The following ATP8A2 variants were observed in gnomAD, a reference collection of about 807,000 sequenced individuals.
The protein encoded by ATP8A2 is phospholipid-transporting ATPase IB.
A neutral mutation model predicts 165.6 loss-of-function variants in ATP8A2; 100 were observed. That is an observed-to-expected ratio of 0.60 (90% CI 0.51 to 0.71). The LOEUF is 0.71. Among genes scored for constraint, ATP8A2 ranks in the 30% least tolerant of loss-of-function variants. The pLI is 0.00. For missense variants in ATP8A2, 1,227 were observed against 1,479.5 expected (o/e 0.83, Z 2.80); for synonymous variants, 543 against 548.8 (o/e 0.99, Z 0.15).
intron 2 of ATP8A2, among the ~76,000 whole-genome samples, chr13:25,525,270 C>T (rs1282776998): frequency 6.6e-6 from 1 of 151,986 alleles, no homozygotes; most frequent in Admixed American, 6.6e-5. Flanking sequence ...TAGCAGGTTT[C>T]TGTATGTGTT....
In ATP8A2 at chr13:25,581,915, T is replaced by A; in HGVS notation, c.2104T>A (p.Trp702Arg). The A allele has an allele frequency of 6.2e-7, 1 of 1,613,856 alleles. No individual in the cohort carries two copies. Among genetic ancestry groups the A allele is most frequent in the Non-Finnish European group, 8.5e-7 (1 of 1,179,762 alleles). The change falls in exon 23 of 37, where the codon TGG (tryptophan) becomes AGG (arginine). Residue 702 changes from tryptophan to arginine, a missense_variant. Trp to Arg is a moderately radical substitution (Grantham distance 101). Transcript: ENST00000381655. ...ACTGTTGAAGGCAGAAATTAAAATA[T>A]GGGTGTTGACAGGAGACAAACAAGA... ...ATLLKAEIKI[W>R]VLTGDKQETA... is the part of the protein sequence containing the mutation.
intron 1 of ATP8A2, among the ~76,000 whole-genome samples, chr13:25,463,578 A>C (rs929172096): frequency 6.6e-6 from 1 of 152,142 alleles, no homozygotes; most frequent in Non-Finnish European, 1.5e-5. Context: ...TCCCCTGACA[A>C]TGTAAGGTCC....
intron 25 of ATP8A2, among the ~76,000 whole-genome samples, chr13:25,725,758 G>A (rs1335123492): frequency 3.3e-5 from 5 of 152,194 alleles, no homozygotes; most frequent in African/African-American, 7.2e-5. Flanking sequence ...AGAAATCAGA[G>A]TGATTTCTTT....
At chr13:25,993,279 C>T (rs190611090) in intron 35 of ATP8A2, among the ~76,000 whole-genome samples, 12 of 152,190 alleles carry the variant, frequency 7.9e-5, no homozygotes, top group African/African-American at 2.9e-4. Context: ...TATGACAAAC[C>T]CACAGCCAAT....
chr13:25,558,825 T>G (rs1038157500), intron 13 of ATP8A2, 148 bp from the exon 14 acceptor site: 26 of 549,032 alleles, frequency 4.7e-5, no homozygotes, highest in Non-Finnish European at 9.6e-6. Flanking sequence ...ATTAAAATAT[T>G]AATATATTTT....
At chr13:25,526,195 G>A (rs1469381032) in intron 2 of ATP8A2, among the ~76,000 whole-genome samples, 1 of 151,824 alleles carries the variant, frequency 6.6e-6, no homozygotes, top group Admixed American at 6.6e-5. Context: ...ACATTTTTGA[G>A]TTGCTTTTCT....
chr13:25,411,212 G>A (rs1350697978), intron 1 of ATP8A2, among the ~76,000 whole-genome samples: 1 of 152,166 alleles, frequency 6.6e-6, no homozygotes, highest in African/African-American at 2.4e-5. Flanking sequence ...TTTAAGGAGG[G>A]TGATCTCTTT....
intron 2 of ATP8A2, among the ~76,000 whole-genome samples, chr13:25,478,801 CTGTCTA>C (rs1252554952): frequency 5.9e-5 from 9 of 152,054 alleles, no homozygotes; most frequent in African/African-American, 2.2e-4. Context: ...TGTAAGTTCT[CTGTCTA>C]TATCAGTGGT....
intron 33 of ATP8A2, among the ~76,000 whole-genome samples, chr13:25,918,638 G>C (rs1954339134): frequency 6.6e-6 from 1 of 152,096 alleles, no homozygotes; most frequent in Admixed American, 6.5e-5. Context: ...GTTTGTGAAA[G>C]CCTCCCCCCC....
chr13:25,971,287 G>A (rs1206710623), intron 35 of ATP8A2, among the ~76,000 whole-genome samples: 1 of 150,674 alleles, frequency 6.6e-6, no homozygotes, highest in African/African-American at 2.5e-5. Context: ...ATGCTGTCCT[G>A]CTTGGCCTCC....
chr13:25,846,485 A>G (rs560644139), intron 30 of ATP8A2, among the ~76,000 whole-genome samples: 21 of 152,284 alleles, frequency 1.4e-4, no homozygotes, highest in East Asian at 9.7e-4. Context: ...AGGTTGCAGG[A>G]ATAGAATAGT....
chr13:25,813,609 CTGAA>C (rs1950936014), intron 27 of ATP8A2, among the ~76,000 whole-genome samples: 1 of 136,530 alleles, frequency 7.3e-6, no homozygotes, highest in Non-Finnish European at 1.6e-5. Context: ...AGAAAGGACA[CTGAA>C]TGGAATCTTG....
intron 27 of ATP8A2, among the ~76,000 whole-genome samples, chr13:25,817,137 G>C (rs1219608658): frequency 2.0e-5 from 3 of 152,034 alleles, no homozygotes; most frequent in African/African-American, 7.3e-5. Context: ...CAGATGAAAG[G>C]CTCATTATTT....
chr13:25,924,792 G>A (rs1954552966), intron 33 of ATP8A2, among the ~76,000 whole-genome samples: 1 of 152,118 alleles, frequency 6.6e-6, no homozygotes, highest in South Asian at 2.1e-4. Context: ...TGAATCATGG[G>A]GGTAGGTTTT....
chr13:25,544,762 C>T (rs1470208067), intron 10 of ATP8A2, among the ~76,000 whole-genome samples: 2 of 151,882 alleles, frequency 1.3e-5, no homozygotes, highest in Non-Finnish European at 2.9e-5. Flanking sequence ...TTTGAAGATG[C>T]GATAATGATG....
At chr13:25,714,555 C>T (rs944241194) in intron 25 of ATP8A2, among the ~76,000 whole-genome samples, 3 of 152,180 alleles carry the variant, frequency 2.0e-5, no homozygotes, top group African/African-American at 7.2e-5. Flanking sequence ...ATTGTGTCTC[C>T]TTAGCCTTCT....
At chr13:25,654,951 A>G (rs2041894899) in intron 24 of ATP8A2, among the ~76,000 whole-genome samples, 1 of 152,162 alleles carries the variant, frequency 6.6e-6, no homozygotes, top group Admixed American at 6.5e-5. Context: ...ATCCAGGGTT[A>G]TGTTAACTGC....
intron 25 of ATP8A2, among the ~76,000 whole-genome samples, chr13:25,751,500 A>G (rs1176366375): frequency 1.3e-5 from 2 of 152,018 alleles, no homozygotes; most frequent in Non-Finnish European, 2.9e-5. Context: ...ACCCGAGCAC[A>G]GTCATGGCTC....
chr13:25,865,299 G>T (rs1952476699), intron 33 of ATP8A2, among the ~76,000 whole-genome samples: 1 of 152,150 alleles, frequency 6.6e-6, no homozygotes, highest in South Asian at 2.1e-4. Context: ...AATGCTTCTA[G>T]TGATTTTTAT....
Sources: allele counts gnomAD v4.1 joint callset (sites outside exome capture counted in the v4.1 genomes callset), GRCh38; gene constraint gnomAD v4.1.1; transcripts MANE v1.5; gene names NCBI Gene and HGNC (gene_info 2026-07-23, HGNC 2026-07-21).